The following SERPING1 variants were observed in gnomAD, a reference collection of about 807,000 sequenced individuals.
SERPING1 encodes the protein serpin family G member 1.
A neutral mutation model predicts 34.1 loss-of-function variants in SERPING1; 5 were observed. The ratio of observed to expected loss-of-function variants is 0.15; its 90% CI spans 0.08 to 0.31. The LOEUF is 0.31. Ranked by LOEUF, SERPING1 falls within the 10% of genes least tolerant of loss-of-function variation. The pLI, the probability that SERPING1 is intolerant of heterozygous loss-of-function variation, is 1.00. For missense variants in SERPING1, 505 were observed against 609.5 expected, an observed-to-expected ratio of 0.83 and a Z score of 1.81; for synonymous variants, 225 against 242.4, an observed-to-expected ratio of 0.93 and a Z score of 0.67.
At chr11:57,609,829 A>C (rs1213744987) in intron 6 of SERPING1, among the ~76,000 whole-genome samples, 1 of 152,164 alleles carries the variant, frequency 6.6e-6, no homozygotes, top group Non-Finnish European at 1.5e-5. Context: ...ACAGTGACAC[A>C]ATCCTCACTT....
chr11:57,602,006 G>A, intron 3 of SERPING1, 29 bp from the exon 4 acceptor site: 1 of 1,613,996 alleles, frequency 6.2e-7, no homozygotes, highest in African/African-American at 1.3e-5. Flanking sequence ...CATCCTGCAA[G>A]TATCTTTCAT....
chr11:57,598,350 G>T, intron 2 of SERPING1, 29 bp downstream of exon 2: 2 of 1,547,684 alleles, frequency 1.3e-6, no homozygotes, highest in East Asian at 2.4e-5. Context: ...GATGGGGGAC[G>T]GGGGTGGAGA....
intron 4 of SERPING1, among the ~76,000 whole-genome samples, chr11:57,603,646 G>A (rs1032383640): frequency 6.7e-5 from 10 of 150,244 alleles, no homozygotes; most frequent in African/African-American, 9.8e-5. Context: ...AGACCATCCT[G>A]GCTAACAAGA....
chr11:57,598,022 C>T, intron 1 of SERPING1: 1 of 566,550 alleles, frequency 1.8e-6, no homozygotes. Flanking sequence ...GACAGAGACC[C>T]GGGCCCACGG....
At position 57,611,756 on chromosome 11, in the gene SERPING1, A is replaced by T. The variant is rs1356552177; in HGVS notation, c.1069A>T (p.Ile357Phe). 6.2e-7 allele frequency: 1 copy of T among 1,614,198 alleles called. No individual in the cohort carries two copies. The highest frequency in any genetic ancestry group is 1.1e-5 in the South Asian group (1 of 91,082). ...GCTCTCCCACAATCTGAGTTTGGTG[A>T]TCCTGGTACCCCAGAACCTGAAACA... ...LQLSHNLSLVILVPQNLKHRL... is the reference protein window; with the variant it reads ...LQLSHNLSLVFLVPQNLKHRL... Residue 357 changes from isoleucine (I) to phenylalanine (F), a missense_variant, in exon 7 of 8, where the codon ATC becomes TTC. Physicochemically the swap from Ile to Phe is conservative, Grantham distance 21. Transcript: ENST00000278407.
In SERPING1 at chr11:57,614,618, C is replaced by A; in HGVS notation, c.*37C>A. 6.2e-7 allele frequency: 1 copy of A among 1,604,206 alleles called. No homozygotes were observed. The highest frequency in any genetic ancestry group is 1.3e-5 in the African/African-American group (1 of 74,918). On this transcript the variant is annotated 3_prime_UTR_variant, in exon 8 of 8. Coordinates refer to ENST00000278407, the MANE Select transcript of SERPING1 (RefSeq NM_000062.3). ...TCAGGTTAGGGCGAGCGCTACCTCTCCAGCCTCAGCTCTCAGTTGCAGCCC... is the reference window on the plus strand; with the variant it reads ...TCAGGTTAGGGCGAGCGCTACCTCTACAGCCTCAGCTCTCAGTTGCAGCCC...
At chr11:57,611,411 G>A (rs1359391563) in intron 6 of SERPING1, 2 of 465,392 alleles carry the variant, frequency 4.3e-6, no homozygotes, top group African/African-American at 2.0e-5. Context: ...ACATTAGGAA[G>A]GAAGGGAACA....
chr11:57,606,552 G>A lies in SERPING1; in HGVS notation c.1029+5G>A, dbSNP rs575103656. ...GACCAAACTTTGAAAGCCAAGGTAAGTTCTTAACCTTTCCTTCTCCTGTTT... is the reference window on the plus strand; with the variant it reads ...GACCAAACTTTGAAAGCCAAGGTAAATTCTTAACCTTTCCTTCTCCTGTTT... On this transcript the variant is annotated splice_donor_5th_base_variant and intron_variant, in intron 6 of 7. Transcript: ENST00000278407. 5.6e-6 allele frequency: 9 copies of A among 1,614,094 alleles called. No homozygotes were observed. Among genetic ancestry groups the A allele is most frequent in the Non-Finnish European group, 7.6e-6 (9 of 1,180,044 alleles).
intron 4 of SERPING1, among the ~76,000 whole-genome samples, chr11:57,604,931 T>A (rs572398201): frequency 1.3e-5 from 2 of 152,020 alleles, no homozygotes; most frequent in East Asian, 3.9e-4. Flanking sequence ...AGCCAAGGAA[T>A]TCGAAGTTAG....
intron 6 of SERPING1, among the ~76,000 whole-genome samples, chr11:57,607,965 G>A (rs1187761959): frequency 6.6e-6 from 1 of 152,118 alleles, no homozygotes; most frequent in African/African-American, 2.4e-5. Context: ...AGCTGAGGAG[G>A]TTATTTTTGA....
rs568047025 is a variant in SERPING1 at position 57,600,937 on chromosome 11, C to T, written c.550+560C>T. Among the ~76,000 whole-genome samples the T allele has an allele frequency of 2.8e-3, 385 of 135,756 alleles. 2 individuals carry two copies. Among genetic ancestry groups the T allele is most frequent in the Admixed American group, 5.2e-3 (66 of 12,738 alleles). The allele number at this position is 135,756 out of a possible 152,430, so 89.1% of individuals were successfully genotyped here. The stretch of plus-strand genomic sequence containing the variant: ...TTGCACTACAGTCTGGGTGACAGAG[C>T]GAGACTCTGTCTCAAAAAAAAAAAA... On this transcript the variant is annotated intron_variant, in intron 3 of 7. Transcript: ENST00000278407.
In SERPING1 at chr11:57,600,337, C is replaced by T; in HGVS notation, c.510C>T (p.Ser170=). ...AGGTGGAGACCAACATGGCCTTTTC[C>T]CCATTCAGCATCGCCAGCCTCCTTA... ...MKKVETNMAF[S]PFSIASLLTQ... The change falls in exon 3 of 8, where the codon TCC becomes TCT. Residue 170 remains serine (S), a synonymous_variant. Transcript: ENST00000278407. The T allele has an allele frequency of 6.2e-7, 1 of 1,612,986 alleles. No individual in the cohort carries two copies. The highest frequency in any genetic ancestry group is 1.7e-5 in the Admixed American group (1 of 59,996).
At chr11:57,612,282 A>T (rs1282680421) in intron 7 of SERPING1, among the ~76,000 whole-genome samples, 1 of 152,038 alleles carries the variant, frequency 6.6e-6, no homozygotes, top group Non-Finnish European at 1.5e-5. Context: ...TGAATTATGG[A>T]TGCTCCTTCC....
chr11:57,612,904 C>G (rs1945496405), intron 7 of SERPING1, among the ~76,000 whole-genome samples: 2 of 151,930 alleles, frequency 1.3e-5, no homozygotes, highest in African/African-American at 4.8e-5. Flanking sequence ...ACCACCACGC[C>G]CAGCTAATTT....
intron 6 of SERPING1, among the ~76,000 whole-genome samples, chr11:57,609,377 G>A (rs1209685741): frequency 3.3e-5 from 5 of 152,112 alleles, no homozygotes; most frequent in Non-Finnish European, 7.4e-5. Context: ...TCAGGAGTTC[G>A]AGACCAGCTT....
Position 57,608,114 on chromosome 11 carries a change from T to C in SERPING1, c.1029+1567T>C, listed in dbSNP as rs531129079. On this transcript the variant is annotated intron_variant, in intron 6 of 7. Transcript: ENST00000278407. ...TAAGGCACAGAAGAGTGAATATATG[T>C]GACAGGTCCAGAGCATTGTTCAAAT... 1.1e-3 allele frequency among the ~76,000 whole-genome samples: 165 copies of C among 152,328 alleles called. 1 individual carries two copies. The highest frequency in any genetic ancestry group is 3.7e-3 in the African/African-American group (155 of 41,592).
intron 7 of SERPING1, among the ~76,000 whole-genome samples, chr11:57,613,835 T>G (rs369431262): frequency 1.3e-5 from 2 of 151,928 alleles, no homozygotes; most frequent in East Asian, 3.9e-4. Flanking sequence ...GTAGCCTCAT[T>G]AGCACAAAAG....
At chr11:57,614,145 T>C (rs1945509311) in intron 7 of SERPING1, among the ~76,000 whole-genome samples, 183 bp from the exon 8 acceptor site, 1 of 152,070 alleles carries the variant, frequency 6.6e-6, no homozygotes, top group Non-Finnish European at 1.5e-5. Context: ...AGTGGCAGTG[T>C]TGGGCCCACT....
At position 57,598,317 on chromosome 11, in the gene SERPING1, C is replaced by T. The variant is rs867406954; in HGVS notation, c.47C>T (p.Ala16Val). 7 of 1,563,296 alleles carry T rather than the reference C, an allele frequency of 4.5e-6. No individual in the cohort carries two copies. The highest frequency in any genetic ancestry group is 6.1e-6 in the Non-Finnish European group (7 of 1,155,350). ...TLLTLLLLLLAGDRASSNPNA... is the reference protein window; with the variant it reads ...TLLTLLLLLLVGDRASSNPNA... ...CTGACCCTCCTGCTGCTGCTGCTGG[C>T]TGGGGTATGTGGTCCCTTGTGGGAT... The change falls in exon 2 of 8, where the codon GCT becomes GTT. Residue 16 changes from alanine (A) to valine (V), a missense_variant. Coordinates refer to ENST00000278407, the MANE Select transcript of SERPING1 (RefSeq NM_000062.3).
Sources: allele counts gnomAD v4.1 joint callset (sites outside exome capture counted in the v4.1 genomes callset), GRCh38; gene constraint gnomAD v4.1.1; transcripts MANE v1.5; gene names NCBI Gene and HGNC (gene_info 2026-07-23, HGNC 2026-07-21).